MEI4: variants seen among roughly 807,000 people sequenced by gnomAD.
MEI4 encodes the protein meiosis-specific protein MEI4.
In MEI4, 27 loss-of-function variants were observed where a neutral mutation model predicts 31.4. The ratio of observed to expected loss-of-function variants is 0.86; its 90% CI spans 0.63 to 1.19. The LOEUF (loss-of-function observed/expected upper bound fraction) is 1.19, where lower values mean the gene tolerates loss of function less well. Ranked by LOEUF, MEI4 falls within the 50% of genes most tolerant of loss-of-function variation. The probability of loss-of-function intolerance (pLI) is 0.00; values close to 1 mark genes in which losing one functional copy is unlikely to be tolerated. For synonymous variants in MEI4, 122 were observed against 145.4 expected, an observed-to-expected ratio of 0.84 and a Z score of 1.16; for missense variants, 329 against 398.9, an observed-to-expected ratio of 0.82 and a Z score of 1.49.
intron 3 of MEI4, among the ~76,000 whole-genome samples, chr6:77,763,841 G>C (rs907445559): frequency 1.9e-4 from 29 of 151,754 alleles, no homozygotes; most frequent in African/African-American, 7.0e-4. Context: ...TCTAGACGGA[G>C]TCTCACTCTG....
chr6:77,672,460 T>C (rs1768763083), intron 1 of MEI4, among the ~76,000 whole-genome samples: 1 of 152,242 alleles, frequency 6.6e-6, no homozygotes, highest in South Asian at 2.1e-4. Flanking sequence ...CTATCATTGC[T>C]AAATAACAAA....
At chr6:77,690,039 T>A (rs565027910) in intron 1 of MEI4, among the ~76,000 whole-genome samples, 1 of 152,116 alleles carries the variant, frequency 6.6e-6, no homozygotes, top group Admixed American at 6.6e-5. Flanking sequence ...GAATGACGAT[T>A]GGAAATCTTT....
chr6:77,712,623 T>C (rs913024820), intron 2 of MEI4, among the ~76,000 whole-genome samples: 1 of 152,168 alleles, frequency 6.6e-6, no homozygotes, highest in African/African-American at 2.4e-5. Context: ...TATCATCCAG[T>C]AGGTGCTCCG....
chr6:77,921,975 C>CAA (rs768457747), intron 4 of MEI4, among the ~76,000 whole-genome samples: 3 of 151,584 alleles, frequency 2.0e-5, no homozygotes, highest in Non-Finnish European at 4.4e-5. Context: ...GACACAGATA[C>CAA]AAAGTGAGCA....
intron 1 of MEI4, among the ~76,000 whole-genome samples, chr6:77,668,371 A>G (rs1309824644): frequency 1.3e-5 from 2 of 152,160 alleles, no homozygotes; most frequent in Non-Finnish European, 2.9e-5. Flanking sequence ...GCTGATTGTT[A>G]GGTATTAAAT....
chr6:77,697,083 G>T (rs183294255), intron 2 of MEI4, among the ~76,000 whole-genome samples: 1 of 152,150 alleles, frequency 6.6e-6, no homozygotes, highest in South Asian at 2.1e-4. Context: ...TCTGATGGTA[G>T]TTTGTATTTC....
At chr6:77,890,649 T>C (rs1469037118) in intron 4 of MEI4, among the ~76,000 whole-genome samples, 1 of 151,998 alleles carries the variant, frequency 6.6e-6, no homozygotes, top group African/African-American at 2.4e-5. Context: ...GGACATGAGA[T>C]TATGAGGGGC....
intron 3 of MEI4, among the ~76,000 whole-genome samples, chr6:77,795,198 A>G (rs1410284928): frequency 1.3e-5 from 2 of 152,150 alleles, no homozygotes; most frequent in African/African-American, 4.8e-5. Flanking sequence ...TAGCATAATG[A>G]AGGAAATAAT....
At position 77,883,745 on chromosome 6, in the gene MEI4, A is replaced by ATATATATATATATATATATATCTAT. The variant is rs55947073; in HGVS notation, c.901-39344_901-39343insTATATATATATATATATATATCTAT. 6.1e-5 allele frequency among the ~76,000 whole-genome samples: 5 copies of ATATATATATATATATATATATCTAT among 82,304 alleles called. No homozygotes were observed. The South Asian group carries it at 1.1e-3, about 18-fold the overall frequency. 54.0% of individuals were successfully genotyped at this position (82,304 alleles called of 152,430 possible). A position where few individuals can be genotyped will look rare whatever the true frequency, so the allele number is the denominator to read the frequency against. The stretch of plus-strand genomic sequence containing the variant: ...ATATATATATATATATATATATATA[A>ATATATATATATATATATATATCTAT]CTTTGTCTTTGTCTATTCATTTATT... On this transcript the variant is annotated intron_variant, in intron 4 of 4. Coordinates refer to ENST00000684080, the MANE Select transcript of MEI4 (RefSeq NM_001322247.2).
intron 1 of MEI4, among the ~76,000 whole-genome samples, chr6:77,660,387 G>A (rs1480095079): frequency 6.6e-6 from 1 of 152,132 alleles, no homozygotes; most frequent in Non-Finnish European, 1.5e-5. Flanking sequence ...ACTCTAAGAG[G>A]GAGTTAAGAG....
chr6:77,734,861 C>T (rs960905523), intron 2 of MEI4, among the ~76,000 whole-genome samples: 4 of 151,828 alleles, frequency 2.6e-5, no homozygotes, highest in African/African-American at 7.3e-5. Flanking sequence ...ATTTGCTTGT[C>T]TGTAAAGGAT....
chr6:77,753,240 A>G (rs1767826652), intron 2 of MEI4, among the ~76,000 whole-genome samples: 1 of 152,238 alleles, frequency 6.6e-6, no homozygotes, highest in South Asian at 2.1e-4. Flanking sequence ...ACAAAAGCCA[A>G]AATAGACAAA....
chr6:77,913,178 A>G (rs1581975046), intron 4 of MEI4, among the ~76,000 whole-genome samples: 1 of 152,100 alleles, frequency 6.6e-6, no homozygotes, highest in African/African-American at 2.4e-5. Context: ...TGCGCTGTGT[A>G]TTTGGTTTTC....
At chr6:77,727,228 A>G (rs964374314) in intron 2 of MEI4, among the ~76,000 whole-genome samples, 1 of 152,292 alleles carries the variant, frequency 6.6e-6, no homozygotes, top group South Asian at 2.1e-4. Flanking sequence ...CTGGGGGAAA[A>G]GGAGGTAAAT....
intron 2 of MEI4, among the ~76,000 whole-genome samples, chr6:77,714,370 A>G (rs768445663): frequency 1.3e-5 from 2 of 152,204 alleles, no homozygotes; most frequent in Non-Finnish European, 2.9e-5. Flanking sequence ...GTCTGAAACA[A>G]TACTATCTCA....
chr6:77,918,530 A>G (rs1411217857), intron 4 of MEI4, among the ~76,000 whole-genome samples: 1 of 144,036 alleles, frequency 6.9e-6, no homozygotes, highest in African/African-American at 2.6e-5. Context: ...CTTTGAAGCA[A>G]TTGTGAATGG....
rs868142389 is a variant in MEI4 at position 77,726,182 on chromosome 6, G to A, written c.233-34948G>A. Among the ~76,000 whole-genome samples the A allele has an allele frequency of 6.4e-3, 943 of 146,518 alleles. 7 individuals are homozygous for A. The highest frequency in any genetic ancestry group is 0.031 in the Middle Eastern group (9 of 294). ...TGTTTAACAAAGCACATCCTGCACC[G>A]CCCTTAATCCATTTAACTCTGAGTT... is the stretch of plus-strand genomic sequence containing the variant. On this transcript the variant is annotated intron_variant, in intron 2 of 4. Transcript: ENST00000684080.
intron 1 of MEI4, among the ~76,000 whole-genome samples, chr6:77,672,148 A>G (rs1007352032): frequency 3.3e-5 from 5 of 151,794 alleles, no homozygotes; most frequent in African/African-American, 1.2e-4. Flanking sequence ...CTCACAGCAA[A>G]AAAGTGTCTT....
chr6:77,763,935 T>A (rs900289065), intron 3 of MEI4, among the ~76,000 whole-genome samples: 25 of 152,216 alleles, frequency 1.6e-4, no homozygotes, highest in African/African-American at 5.5e-4. Flanking sequence ...TGCCTCAGCC[T>A]CCCTAGTAAC....
Sources: allele counts gnomAD v4.1 joint callset (sites outside exome capture counted in the v4.1 genomes callset), GRCh38; gene constraint gnomAD v4.1.1; transcripts MANE v1.5; gene names NCBI Gene and HGNC (gene_info 2026-07-23, HGNC 2026-07-21).